The following ADGRG4 variants were observed in gnomAD, a reference collection of about 807,000 sequenced individuals.
ADGRG4 encodes adhesion G protein-coupled receptor G4.
A neutral mutation model predicts 126.2 loss-of-function variants in ADGRG4; 122 were observed. The observed-to-expected ratio is 0.97, with a 90% CI of 0.83 to 1.12. ADGRG4 has a LOEUF of 1.12. Among genes scored for constraint, ADGRG4 ranks in the 50% most tolerant of loss-of-function variants. ADGRG4 has a pLI of 0.00. For missense variants in ADGRG4, 2,481 were observed against 2,251.8 expected (o/e 1.10, Z -2.06); for synonymous variants, 943 against 838.7 (o/e 1.12, Z -2.15).
intron 21 of ADGRG4, among the ~76,000 whole-genome samples, chrX:136,401,221 G>C (rs192108259): frequency 2.7e-5 from 3 of 111,618 alleles, no homozygotes; most frequent in East Asian, 5.6e-4. Context: ...AAAAGCAGTC[G>C]ATACACTCCC....
intron 23 of ADGRG4, among the ~76,000 whole-genome samples, chrX:136,411,894 A>G (rs755887484): frequency 4.4e-5 from 5 of 112,677 alleles, no homozygotes; most frequent in Non-Finnish European, 9.4e-5. Flanking sequence ...GCTCTTTTAT[A>G]ACCTAACCTT....
chrX:136,381,722 G>A (rs761816247), intron 15 of ADGRG4, among the ~76,000 whole-genome samples: 1 of 110,721 alleles, frequency 9.0e-6, no homozygotes, highest in Non-Finnish European at 1.9e-5. Flanking sequence ...ACATATATAT[G>A]AGAGTTTATT....
chrX:136,410,848 C>T (rs1221128223), intron 23 of ADGRG4, among the ~76,000 whole-genome samples: 1 of 111,610 alleles, frequency 9.0e-6, no homozygotes, highest in African/African-American at 3.3e-5. Flanking sequence ...TGTATGGCTA[C>T]ATATAGCAAA....
intron 5 of ADGRG4, among the ~76,000 whole-genome samples, chrX:136,337,181 C>A (rs571272249): frequency 3.6e-4 from 40 of 111,523 alleles, no homozygotes; most frequent in African/African-American, 1.3e-3. Context: ...GCTGCCCAGG[C>A]TGGTCTTGAA....
chrX:136,381,008 A>T (rs970204424), intron 15 of ADGRG4, among the ~76,000 whole-genome samples: 2 of 109,860 alleles, frequency 1.8e-5, no homozygotes, highest in African/African-American at 6.6e-5. Flanking sequence ...GTAAGCTACT[A>T]CCCCTGGCCT....
At chrX:136,301,046 T>C (rs767813225) in intron 1 of ADGRG4, 46 bp downstream of exon 1, 2 of 112,519 alleles carry the variant, frequency 1.8e-5, no homozygotes, top group South Asian at 7.4e-4. Context: ...GCAATAAACA[T>C]ATGTGTGCAT....
rs2075265748 is a variant in ADGRG4, at chrX:136,381,839, G to A, written c.7777-5901G>A. On this transcript the variant is annotated intron_variant, in intron 15 of 25. Transcript: ENST00000394143. ...AAAATTGAAGAATTTGGAGTCTGAT[G>A]TTCTAAGGCAGGAAGCATCTAGCAC... Among the ~76,000 whole-genome samples the A allele has an allele frequency of 4.5e-5, 5 of 111,449 alleles. No homozygotes were observed. The South Asian group carries it at 1.5e-3, about 34-fold the overall frequency.
intron 11 of ADGRG4, 57 bp from the exon 12 acceptor site, chrX:136,361,398 T>G (rs1358619935): frequency 1.4e-6 from 1 of 707,383 alleles, no homozygotes; most frequent in Non-Finnish European, 1.9e-6. Flanking sequence ...TAATGGATGT[T>G]TGTAATACTT....
intron 18 of ADGRG4, among the ~76,000 whole-genome samples, chrX:136,394,994 G>A (rs764874343): frequency 4.5e-5 from 5 of 111,501 alleles, no homozygotes; most frequent in Admixed American, 3.8e-4. Flanking sequence ...GTTCAGCTGG[G>A]TGTTCAGATG....
intron 4 of ADGRG4, among the ~76,000 whole-genome samples, chrX:136,320,925 C>CA (rs1042474710): frequency 1.5e-4 from 17 of 110,476 alleles, no homozygotes; most frequent in African/African-American, 5.6e-4. Context: ...CCTCTTAAAA[C>CA]AAAAAATCAA....
At chrX:136,310,994 G>A (rs2074766468) in intron 4 of ADGRG4, among the ~76,000 whole-genome samples, 1 of 111,007 alleles carries the variant, frequency 9.0e-6, no homozygotes, top group Non-Finnish European at 1.9e-5. Context: ...TGGAGGCTGA[G>A]GGTTCAAGAT....
rs1269523892 is a variant in ADGRG4 at position 136,347,248 on chromosome X, C to T, written c.3542C>T (p.Ser1181Phe). 14 of 1,211,294 alleles carry T rather than the reference C, an allele frequency of 1.2e-5. No individual in the cohort carries two copies. Among genetic ancestry groups the T allele is most frequent in the Non-Finnish European group, 1.3e-5 (12 of 895,082 alleles). ...TQPISQVEET[S>F]TYALSFPYTF... ...CCAATATCTCAAGTAGAGGAGACTT[C>T]TACCTATGCTCTCAGCTTCCCATAT... is the stretch of plus-strand genomic sequence containing the variant. The change falls in exon 6 of 26, where the codon TCT (serine) becomes TTT (phenylalanine). Residue 1181 changes from serine to phenylalanine, a missense_variant. Physicochemically the swap from Ser to Phe is radical, Grantham distance 155. Coordinates refer to ENST00000394143, the MANE Select transcript of ADGRG4 (RefSeq NM_153834.4).
intron 4 of ADGRG4, among the ~76,000 whole-genome samples, chrX:136,317,876 A>G (rs1323704234): frequency 1.8e-5 from 2 of 112,270 alleles, no homozygotes; most frequent in African/African-American, 6.5e-5. Context: ...CAATAATAAT[A>G]GTAAATGGAA....
In ADGRG4 at chrX:136,344,809, C is replaced by A. The variant is rs5930931; in HGVS notation, c.1103C>A (p.Pro368His). The A allele has an allele frequency of 0.46, 560,268 of 1,205,088 alleles. 88,305 individuals are homozygous for A. Among genetic ancestry groups the A allele is most frequent in the Middle Eastern group, 0.54 (2,345 of 4,336 alleles). Residue 368 changes from proline to histidine, a missense_variant, in exon 6 of 26, where the codon CCT becomes CAT. By Grantham distance (77) the Pro-to-His change is moderately conservative. Coordinates refer to ENST00000394143, the MANE Select transcript of ADGRG4 (RefSeq NM_153834.4). ...EAMATEIFQP[P>H]TPSNFLSTSR... ...ATGGCTACTGAAATCTTTCAACCAC[C>A]TACACCTTCTAATTTCCTATCCACA...
chrX:136,347,570 C>T lies in ADGRG4; in HGVS notation c.3864C>T (p.Ser1288=), dbSNP rs763530437. 6.6e-6 allele frequency: 8 copies of T among 1,204,955 alleles called. No individual in the cohort carries two copies. The South Asian group carries it at 1.4e-4, about 21-fold the overall frequency. The part of the protein sequence containing the change: ...SPSKNSFISY[S]RGTPSLEMTD... The stretch of plus-strand genomic sequence containing the variant: ...CAAAGAATTCTTTTATTTCATACTC[C>T]CGGGGTACTCCATCTTTGGAAATGA... Residue 1288 remains serine, a synonymous_variant, in exon 6 of 26, where the codon TCC becomes TCT. Transcript: ENST00000394143.
intron 19 of ADGRG4, 88 bp from the exon 20 acceptor site, chrX:136,397,793 G>A: frequency 4.4e-6 from 4 of 905,277 alleles, no homozygotes; most frequent in Non-Finnish European, 6.3e-6. Context: ...TATACATCCT[G>A]GGAACTTCCT....
intron 1 of ADGRG4, among the ~76,000 whole-genome samples, chrX:136,303,415 T>A (rs184485887): frequency 2.3e-4 from 26 of 111,600 alleles, no homozygotes; most frequent in African/African-American, 8.1e-4. Context: ...ATTGCGCCAA[T>A]GTATTCCAGA....
intron 15 of ADGRG4, among the ~76,000 whole-genome samples, chrX:136,377,713 G>A (rs2075236118): frequency 9.0e-6 from 1 of 111,304 alleles, no homozygotes; most frequent in Non-Finnish European, 1.9e-5. Flanking sequence ...TTTGTTTTAC[G>A]TGGATATCCA....
intron 12 of ADGRG4, among the ~76,000 whole-genome samples, chrX:136,362,080 T>A (rs1245243350): frequency 8.9e-6 from 1 of 112,003 alleles, no homozygotes; most frequent in Non-Finnish European, 1.9e-5. Context: ...TATAGTAATT[T>A]ACTAAATCAC....
Sources: gnomAD v4.1 joint callset for allele counts (sites outside exome capture counted in the v4.1 genomes callset) on GRCh38, gnomAD v4.1.1 for gene constraint, MANE v1.5 for transcripts, NCBI Gene and HGNC (gene_info 2026-07-23, HGNC 2026-07-21) for gene names.